C10orf90: variants seen among roughly 807,000 people sequenced by gnomAD.
C10orf90 encodes the protein (E2-independent) E3 ubiquitin-conjugating enzyme FATS.
In C10orf90, 56 loss-of-function variants were observed where a neutral mutation model predicts 62.5. The ratio of observed to expected loss-of-function variants is 0.90; its 90% CI spans 0.72 to 1.12. C10orf90 has a LOEUF of 1.12. Among genes scored for constraint, C10orf90 ranks in the 50% most tolerant of loss-of-function variants. C10orf90 has a pLI of 0.00. For synonymous variants in C10orf90, 386 were observed against 340.4 expected, an observed-to-expected ratio of 1.13 and a Z score of -1.47; for missense variants, 970 against 880.4, an observed-to-expected ratio of 1.10 and a Z score of -1.29.
At chr10:126,628,731 T>A (rs960791785) in intron 2 of C10orf90, among the ~76,000 whole-genome samples, 1 of 152,178 alleles carries the variant, frequency 6.6e-6, no homozygotes, top group African/African-American at 2.4e-5. Flanking sequence ...CCTGGGCGTC[T>A]CCCCAGCCAC....
At chr10:126,429,915 A>T in intron 7 of C10orf90, 65 bp from the exon 8 acceptor site, 1 of 1,373,254 alleles carries the variant, frequency 7.3e-7, no homozygotes, top group Non-Finnish European at 1.0e-6. Flanking sequence ...CTAGAGAAAC[A>T]TTGTGATTAG....
chr10:126,455,248 C>G (rs940310645), intron 7 of C10orf90, among the ~76,000 whole-genome samples: 2 of 152,170 alleles, frequency 1.3e-5, no homozygotes, highest in African/African-American at 4.8e-5. Context: ...CGCCCATCCC[C>G]ATTTTACCAT....
At chr10:126,655,925 G>C (rs1846387915) in intron 1 of C10orf90, among the ~76,000 whole-genome samples, 1 of 152,032 alleles carries the variant, frequency 6.6e-6, no homozygotes, top group Admixed American at 6.5e-5. Flanking sequence ...GCCTGGGGGG[G>C]AGAAGACCTT....
chr10:126,480,137 A>G (rs1861094872), intron 4 of C10orf90, among the ~76,000 whole-genome samples: 1 of 152,212 alleles, frequency 6.6e-6, no homozygotes, highest in African/African-American at 2.4e-5. Context: ...GACTTTTATT[A>G]TTCACTTGTG....
intron 2 of C10orf90, among the ~76,000 whole-genome samples, chr10:126,559,943 A>C (rs1339419191): frequency 6.6e-6 from 1 of 152,228 alleles, no homozygotes; most frequent in Non-Finnish European, 1.5e-5. Flanking sequence ...ATTATAAATG[A>C]TAAATAATGT....
chr10:126,469,956 AC>A (rs1860484986), intron 4 of C10orf90: 1 of 456,738 alleles, frequency 2.2e-6, no homozygotes, highest in African/African-American at 2.0e-5. Flanking sequence ...TGCAATAAAT[AC>A]GTTGCATGCT....
intron 2 of C10orf90, among the ~76,000 whole-genome samples, chr10:126,607,597 G>C (rs1445870198): frequency 1.3e-5 from 2 of 152,094 alleles, no homozygotes; most frequent in African/African-American, 4.8e-5. Context: ...AATAATTAGG[G>C]ACTTTTCTGA....
intron 2 of C10orf90, among the ~76,000 whole-genome samples, chr10:126,569,013 G>T (rs1844450087): frequency 1.3e-5 from 2 of 152,178 alleles, no homozygotes; most frequent in Admixed American, 1.3e-4. Flanking sequence ...CAGGGCTGGG[G>T]TGAAAGCAGG....
At chr10:126,615,243 T>C (rs1272525796) in intron 2 of C10orf90, among the ~76,000 whole-genome samples, 1 of 152,200 alleles carries the variant, frequency 6.6e-6, no homozygotes, top group East Asian at 1.9e-4. Flanking sequence ...CATGACCCAG[T>C]CCAGGGTCAG....
At chr10:126,588,174 C>T (rs553087933) in intron 2 of C10orf90, among the ~76,000 whole-genome samples, 5 of 152,312 alleles carry the variant, frequency 3.3e-5, no homozygotes, top group African/African-American at 4.8e-5. Flanking sequence ...GGAGTCCAGG[C>T]GGTCGGAACC....
chr10:126,545,471 A>AC (rs1243409661), intron 2 of C10orf90, among the ~76,000 whole-genome samples: 2 of 151,666 alleles, frequency 1.3e-5, no homozygotes, highest in Admixed American at 1.3e-4. Context: ...ATTTAAAAAA[A>AC]AAACCTTTAA....
intron 2 of C10orf90, among the ~76,000 whole-genome samples, chr10:126,537,078 A>G (rs1023374782): frequency 1.3e-5 from 2 of 152,210 alleles, no homozygotes; most frequent in Admixed American, 1.3e-4. Context: ...GCTTGATATC[A>G]CACATAAACT....
chr10:126,565,789 A>G (rs1000270277), intron 2 of C10orf90, among the ~76,000 whole-genome samples: 1 of 152,016 alleles, frequency 6.6e-6, no homozygotes, highest in African/African-American at 2.4e-5. Context: ...CCTCTCTCAA[A>G]GCTCCAGATG....
chr10:126,547,142 G>A (rs189593904), intron 2 of C10orf90, among the ~76,000 whole-genome samples: 188 of 150,930 alleles, frequency 1.2e-3, no homozygotes, highest in Middle Eastern at 7.0e-3. Flanking sequence ...AAAAAAGGCC[G>A]GGCGTTGTGG....
chr10:126,515,284 A>T (rs962720166), intron 2 of C10orf90, among the ~76,000 whole-genome samples: 5 of 152,192 alleles, frequency 3.3e-5, no homozygotes, highest in African/African-American at 1.2e-4. Context: ...CATAGTCTGC[A>T]GTAGCAGACA....
At chr10:126,641,441 G>T (rs1045330838) in intron 2 of C10orf90, among the ~76,000 whole-genome samples, 1 of 152,118 alleles carries the variant, frequency 6.6e-6, no homozygotes, top group East Asian at 1.9e-4. Flanking sequence ...AGGTTAAATC[G>T]ATCAGAAGGG....
At chr10:126,459,319 CAG>C (rs1419735680) in intron 6 of C10orf90, 102 bp from the exon 7 acceptor site, 22 of 1,358,902 alleles carry the variant, frequency 1.6e-5, no homozygotes, top group Non-Finnish European at 2.2e-5. Flanking sequence ...GCACAACACT[CAG>C]AGACCAAAAG....
chr10:126,593,531 A>C lies in C10orf90; in HGVS notation c.313+53034T>G, dbSNP rs539865341. On this transcript the variant is annotated intron_variant, in intron 2 of 9. Coordinates refer to ENST00000488181, the MANE Select transcript of C10orf90 (RefSeq NM_001350921.2). ...GGATACATGGAGTGGGGAACAACAC[A>C]CATTGAGGACTGTCAAAGAGGCATG... is the stretch of plus-strand genomic sequence containing the variant. Among the ~76,000 whole-genome samples the C allele has an allele frequency of 4.7e-4, 72 of 152,238 alleles. 2 individuals carry two copies. The South Asian group carries it at 0.011, about 23-fold the overall frequency.
chr10:126,495,653 A>G (rs1260300014), intron 4 of C10orf90, among the ~76,000 whole-genome samples: 1 of 152,216 alleles, frequency 6.6e-6, no homozygotes, highest in Non-Finnish European at 1.5e-5. Context: ...AGAAAATCAC[A>G]TTTTACAGAA....
Sources: gnomAD v4.1 joint callset for allele counts (sites outside exome capture counted in the v4.1 genomes callset) on GRCh38, gnomAD v4.1.1 for gene constraint, MANE v1.5 for transcripts, NCBI Gene and HGNC (gene_info 2026-07-23, HGNC 2026-07-21) for gene names.